Variants in RASEF observed in about 807,000 individuals in gnomAD.
The protein encoded by RASEF is ras and EF-hand domain-containing protein.
Under a neutral mutation model 90.1 loss-of-function variants are expected in RASEF, and 68 were observed. That is an observed-to-expected ratio of 0.75 (90% CI 0.62 to 0.92). The LOEUF (loss-of-function observed/expected upper bound fraction) is 0.92, where lower values mean the gene tolerates loss of function less well. Among genes scored for constraint, RASEF ranks in the 40% least tolerant of loss-of-function variants. RASEF has a pLI of 0.00. For synonymous variants in RASEF, 331 were observed against 345.2 expected (o/e 0.96, Z 0.46); for missense variants, 949 against 937.2 (o/e 1.01, Z -0.16).
At chr9:83,194,054 C>T in the RASEF span, among the ~76,000 whole-genome samples, 1 of 152,150 alleles carries the variant, frequency 6.6e-6, no homozygotes, top group Non-Finnish European at 1.5e-5. Flanking sequence ...CTATATACCC[C>T]TCCCTTTGTT....
At chr9:83,164,752 T>C in the RASEF span, among the ~76,000 whole-genome samples, 4 of 151,716 alleles carry the variant, frequency 2.6e-5, no homozygotes, top group Admixed American at 2.6e-4. Context: ...GTCAGAAATA[T>C]CAAGAAACAT....
At position 83,062,871 on chromosome 9, in the gene RASEF, G is replaced by C. The variant is rs1210667936; in HGVS notation, c.-4C>G. 4.7e-6 allele frequency: 7 copies of C among 1,494,484 alleles called. No homozygotes were observed. The Admixed American group carries it at 1.3e-4, about 28-fold the overall frequency. The allele number at this position is 1,494,484 out of a possible 1,614,324, so 92.6% of individuals were successfully genotyped here. On this transcript the variant is annotated 5_prime_UTR_variant, in exon 1 of 17. Transcript: ENST00000376447. ...CTCCGTCCCCATCCGCCTCCATCCC[G>C]CCTGGCGGGGGCGGCCGAGAGGGCT...
chr9:83,160,542 G>A, the RASEF span, among the ~76,000 whole-genome samples: 148,958 of 152,310 alleles, frequency 0.98, 72,866 homozygotes, highest in East Asian at 1. Flanking sequence ...TTCAAGTTTT[G>A]TAAGAGAGGC....
chr9:83,206,418 C>T, the RASEF span, among the ~76,000 whole-genome samples: 13 of 152,120 alleles, frequency 8.5e-5, no homozygotes, highest in East Asian at 9.6e-4. Context: ...TCCATACAAA[C>T]GACAAGACAG....
In RASEF at chr9:83,001,080, C is replaced by T. The variant is rs752530301; in HGVS notation, c.1253G>A (p.Cys418Tyr). ...ACAATTTGTCCTCTGCAGAGGATCACAGAGGGCCAGGGAGTCACAGTCCTC... is the reference window on the plus strand; with the variant it reads ...ACAATTTGTCCTCTGCAGAGGATCATAGAGGGCCAGGGAGTCACAGTCCTC... ...VDEDCDSLAL[C>Y]DPLQRTNCEV... The change falls in exon 10 of 17, where the codon TGT becomes TAT. Residue 418 changes from cysteine (C) to tyrosine (Y), a missense_variant. By Grantham distance (194) the Cys-to-Tyr change is radical. Around this residue, in one of 3 missense-constraint regions of RASEF, gnomAD observed 656 missense variants for 592.2 expected, o/e 1.11. Coordinates refer to ENST00000376447, the MANE Select transcript of RASEF (RefSeq NM_152573.4). 5.0e-6 allele frequency: 8 copies of T among 1,614,130 alleles called. No individual in the cohort carries two copies. The South Asian group carries it at 8.8e-5, about 18-fold the overall frequency.
the RASEF span, among the ~76,000 whole-genome samples, chr9:83,208,113 C>T: frequency 3.3e-5 from 5 of 152,156 alleles, no homozygotes; most frequent in Non-Finnish European, 7.4e-5. Context: ...GGGGGCTGTA[C>T]GTTGACCTTC....
chr9:83,088,558 C>T, the RASEF span, among the ~76,000 whole-genome samples: 1 of 151,958 alleles, frequency 6.6e-6, no homozygotes, highest in African/African-American at 2.4e-5. Flanking sequence ...CTATTTCTCC[C>T]ATAAATTCTG....
upstream of RASEF, among the ~76,000 whole-genome samples, chr9:83,066,956 A>C (rs1361586734): frequency 2.0e-5 from 3 of 152,198 alleles, no homozygotes; most frequent in East Asian, 5.8e-4. Flanking sequence ...TTAGACAGTG[A>C]CTAGGGTGGT....
chr9:83,196,102 A>T, the RASEF span, among the ~76,000 whole-genome samples: 2 of 152,092 alleles, frequency 1.3e-5, no homozygotes, highest in African/African-American at 4.8e-5. Context: ...GGACTTCACC[A>T]AGATGGGAGA....
the RASEF span, among the ~76,000 whole-genome samples, chr9:83,166,828 C>T: frequency 6.6e-6 from 1 of 152,188 alleles, no homozygotes; most frequent in Non-Finnish European, 1.5e-5. Context: ...GCCACTGGCA[C>T]ACTCAGGTAG....
chr9:82,983,302 G>A (rs1282455722), intron 16 of RASEF, among the ~76,000 whole-genome samples: 1 of 152,136 alleles, frequency 6.6e-6, no homozygotes, highest in African/African-American at 2.4e-5. Flanking sequence ...TTTTATAACC[G>A]TTCTTTAATT....
the RASEF span, among the ~76,000 whole-genome samples, chr9:83,084,707 C>T: frequency 6.6e-6 from 1 of 152,152 alleles, no homozygotes; most frequent in Non-Finnish European, 1.5e-5. Context: ...TGAGGTTAAA[C>T]TCTTTTCCAG....
the RASEF span, among the ~76,000 whole-genome samples, chr9:83,113,349 C>T: frequency 6.6e-6 from 1 of 152,138 alleles, no homozygotes; most frequent in South Asian, 2.1e-4. Flanking sequence ...TGAGAATGTA[C>T]GTCACCTCAG....
chr9:83,150,512 A>G, the RASEF span, among the ~76,000 whole-genome samples: 2 of 152,084 alleles, frequency 1.3e-5, no homozygotes, highest in Admixed American at 6.6e-5. Context: ...CCAGATATAT[A>G]TTTCTTATTA....
chr9:83,134,338 CATTTG>C, the RASEF span, among the ~76,000 whole-genome samples: 151 of 151,588 alleles, frequency 1.0e-3, 1 homozygote, highest in African/African-American at 3.6e-3. Flanking sequence ...AGAGCTTTCT[CATTTG>C]ATCACACTGA....
At chr9:83,058,221 C>T (rs1328951418) in intron 1 of RASEF, among the ~76,000 whole-genome samples, 30 of 110,982 alleles carry the variant, frequency 2.7e-4, no homozygotes, top group Admixed American at 1.3e-4. Flanking sequence ...CTCGCTCTGT[C>T]GCCCAGGCTG....
In RASEF at chr9:83,031,958, T is replaced by C. The variant is rs143663230; in HGVS notation, c.432-6037A>G. On this transcript the variant is annotated intron_variant, in intron 1 of 16. Transcript: ENST00000376447. Reference sequence around the variant, plus strand: ...GCCAAGAGACTGTAACATAACACTCTTGGCAATTCTCACACCTGATAGGAA... The same window carrying C: ...GCCAAGAGACTGTAACATAACACTCCTGGCAATTCTCACACCTGATAGGAA... Among the ~76,000 whole-genome samples the C allele has an allele frequency of 5.3e-5, 8 of 152,212 alleles. No homozygotes were observed. In the East Asian group the frequency reaches 1.5e-3, roughly 29 times the overall value.
chr9:83,063,368 T>A (rs1351026310), upstream of RASEF, among the ~76,000 whole-genome samples: 1 of 152,144 alleles, frequency 6.6e-6, no homozygotes, highest in African/African-American at 2.4e-5. Context: ...GCTCCGCTTC[T>A]CCACAGAACG....
chr9:83,200,657 G>A, the RASEF span, among the ~76,000 whole-genome samples: 1 of 152,128 alleles, frequency 6.6e-6, no homozygotes, highest in Non-Finnish European at 1.5e-5. Flanking sequence ...CACTCCACTG[G>A]AATGTAAGCT....
Sources: gnomAD v4.1 joint callset for allele counts (sites outside exome capture counted in the v4.1 genomes callset) on GRCh38, gnomAD v4.1.1 for gene constraint, gnomAD v4.1.1 regional missense constraint, MANE v1.5 for transcripts, NCBI Gene and HGNC (gene_info 2026-07-23, HGNC 2026-07-21) for gene names.